PACRGL: variants seen among roughly 807,000 people sequenced by gnomAD.
PACRGL encodes the protein parkin coregulated like, also known as PACRG-like protein.
Under a neutral mutation model 34.5 loss-of-function variants are expected in PACRGL, and 38 were observed. That is an observed-to-expected ratio of 1.10 (90% CI 0.85 to 1.44). The LOEUF (loss-of-function observed/expected upper bound fraction) is 1.44, where lower values mean the gene tolerates loss of function less well. PACRGL is among the 40% of genes most tolerant of loss of function. The pLI is 0.00. For synonymous variants in PACRGL, 128 were observed against 100.1 expected, an observed-to-expected ratio of 1.28 and a Z score of -1.66; for missense variants, 305 against 281.4, an observed-to-expected ratio of 1.08 and a Z score of -0.60.
chr4:20,711,789 T>C (rs2149094051), intron 5 of PACRGL, among the ~76,000 whole-genome samples: 1 of 152,260 alleles, frequency 6.6e-6, no homozygotes, highest in South Asian at 2.1e-4. Context: ...GCATTTAGGG[T>C]GAAAGGCATA....
rs1048387370 is a variant in PACRGL at position 20,724,718 on chromosome 4, C to T, written c.610-90C>T. The T allele has an allele frequency of 1.2e-5, 7 of 591,826 alleles. No individual in the cohort carries two copies. In the African/African-American group the frequency reaches 1.4e-4, roughly 11 times the overall value. The allele number at this position is 591,826 out of a possible 1,614,324, so 36.7% of individuals were successfully genotyped here. A position where few individuals can be genotyped will look rare whatever the true frequency, so the allele number is the denominator to read the frequency against. On this transcript the variant is annotated intron_variant, in intron 7 of 8. Transcript: ENST00000503585. ...CTAAAAAAAGCCTTGAAATCTAAAACAAGGGGTGCTCCTGAAGATTTACTT... is the reference window on the plus strand; with the variant it reads ...CTAAAAAAAGCCTTGAAATCTAAAATAAGGGGTGCTCCTGAAGATTTACTT...
intron 3 of PACRGL, among the ~76,000 whole-genome samples, chr4:20,705,500 T>A (rs2149052714): frequency 6.6e-6 from 1 of 152,056 alleles, no homozygotes; most frequent in African/African-American, 2.4e-5. Context: ...ACAGAAGGAG[T>A]GTCCGACTGG....
At chr4:20,724,572 T>C (rs978392378) in intron 7 of PACRGL, among the ~76,000 whole-genome samples, 2 of 152,180 alleles carry the variant, frequency 1.3e-5, no homozygotes, top group Non-Finnish European at 2.9e-5. Context: ...GAAACCTTAC[T>C]TCAGATAGCA....
At position 20,727,503 on chromosome 4, in the gene PACRGL, G is replaced by T. The variant is rs1234807434; in HGVS notation, c.*162G>T. On this transcript the variant is annotated 3_prime_UTR_variant, in exon 9 of 9. Coordinates refer to ENST00000503585, the MANE Select transcript of PACRGL (RefSeq NM_001258345.3). ...ATCAAAGTTATTCATCAACAAAAAA[G>T]AACAGTTACTAATGGAAAGTTATTA... is the stretch of plus-strand genomic sequence containing the variant. The T allele has an allele frequency of 5.5e-6, 3 of 549,350 alleles. No homozygotes were observed. Among genetic ancestry groups the T allele is most frequent in the Non-Finnish European group, 9.7e-6 (3 of 310,780 alleles). The allele number at this position is 549,350 out of a possible 1,614,324, so 34.0% of individuals were successfully genotyped here. A position where few individuals can be genotyped will look rare whatever the true frequency, so the allele number is the denominator to read the frequency against.
chr4:20,711,787 G>A (rs540761505), intron 5 of PACRGL, among the ~76,000 whole-genome samples: 63 of 151,982 alleles, frequency 4.1e-4, no homozygotes, highest in African/African-American at 1.4e-3. Context: ...ATGCATTTAG[G>A]GTGAAAGGCA....
At chr4:20,739,298 A>AC (rs1750479293) in intron 8 of PACRGL, among the ~76,000 whole-genome samples, 1 of 152,072 alleles carries the variant, frequency 6.6e-6, no homozygotes, top group Non-Finnish European at 1.5e-5. Flanking sequence ...TGGGTCCCTG[A>AC]CCCCCGAGTA....
At position 20,727,439 on chromosome 4, in the gene PACRGL, CCATT is replaced by C. The variant is rs1746243451; in HGVS notation, c.*103_*106del. 1.0e-6 allele frequency: 1 copy of C among 1,003,862 alleles called. No homozygotes were observed. The highest frequency in any genetic ancestry group is 2.4e-5 in the East Asian group (1 of 40,988). The allele number at this position is 1,003,862 out of a possible 1,614,324, so 62.2% of individuals were successfully genotyped here. A position where few individuals can be genotyped will look rare whatever the true frequency, so the allele number is the denominator to read the frequency against. ...TTTATTCTTTTGTAAATCACAGCCACCATTCATTATTTACTAGGTTAAGATGAAT... is the reference window on the plus strand; with the variant it reads ...TTTATTCTTTTGTAAATCACAGCCACCATTATTTACTAGGTTAAGATGAAT... On this transcript the variant is annotated 3_prime_UTR_variant, in exon 9 of 9. Coordinates refer to ENST00000503585, the MANE Select transcript of PACRGL (RefSeq NM_001258345.3).
Position 20,731,608 on chromosome 4 carries a change from T to C in PACRGL, c.*4267T>C. 2.0e-6 allele frequency: 2 copies of C among 985,184 alleles called. No homozygotes were observed. The highest frequency in any genetic ancestry group is 1.2e-6 in the Non-Finnish European group (1 of 829,738). 61.0% of individuals were successfully genotyped at this position (985,184 alleles called of 1,614,324 possible). A position where few individuals can be genotyped will look rare whatever the true frequency, so the allele number is the denominator to read the frequency against. ...AGAAATCAGATAGAAGCTTGGCCTGTTGTGATGCCATACTTGGCTATCTAG... is the reference window on the plus strand; with the variant it reads ...AGAAATCAGATAGAAGCTTGGCCTGCTGTGATGCCATACTTGGCTATCTAG... On this transcript the variant is annotated 3_prime_UTR_variant, in exon 9 of 9. Coordinates refer to ENST00000503585, the MANE Select transcript of PACRGL (RefSeq NM_001258345.3).
downstream of PACRGL, chr4:20,732,635 T>G (rs755003603): frequency 7.8e-7 from 1 of 1,276,816 alleles, no homozygotes; most frequent in Non-Finnish European, 1.1e-6. Flanking sequence ...CATCAGGAAA[T>G]TTTCTCCTAA....
At chr4:20,757,330 C>G (rs1400334108), downstream of PACRGL, among the ~76,000 whole-genome samples, 1 of 152,174 alleles carries the variant, frequency 6.6e-6, no homozygotes, top group Non-Finnish European at 1.5e-5. Context: ...TAATTAGTCT[C>G]CCTGCCTGCA....
At chr4:20,712,681 C>T in intron 5 of PACRGL, 107 bp from the exon 6 acceptor site, 3 of 1,008,476 alleles carry the variant, frequency 3.0e-6, no homozygotes, top group East Asian at 2.9e-5. Context: ...ATTAGGAAAA[C>T]AATAATGAAA....
intron 8 of PACRGL, chr4:20,749,847 T>G (rs1753266838): frequency 4.9e-6 from 3 of 608,214 alleles, no homozygotes; most frequent in Non-Finnish European, 8.5e-6. Flanking sequence ...CTCCTTTAGT[T>G]TGTGCTTTCT....
At chr4:20,758,928 T>G in the PACRGL span, 2 of 1,552,358 alleles carry the variant, frequency 1.3e-6, no homozygotes, top group Non-Finnish European at 1.8e-6. Flanking sequence ...GAGCAAAGTG[T>G]TCATAAAACT....
the PACRGL span, chr4:20,758,924 A>G: frequency 6.3e-7 from 1 of 1,575,788 alleles, no homozygotes; most frequent in Non-Finnish European, 8.7e-7. Context: ...ATATGAGCAA[A>G]GTGTTCATAA....
downstream of PACRGL, chr4:20,734,552 T>C (rs543378901): frequency 2.8e-6 from 2 of 707,958 alleles, no homozygotes; most frequent in African/African-American, 3.7e-5. Context: ...TTCAAATTAA[T>C]AATTGCAATT....
downstream of PACRGL, chr4:20,734,528 C>T (rs1749118060): frequency 8.7e-6 from 5 of 576,580 alleles, no homozygotes; most frequent in East Asian, 1.3e-4. Flanking sequence ...TTTGGAATTT[C>T]CTCAAAAAAA....
rs766367666 is a variant in PACRGL, at chr4:20,724,820, T to C, written c.622T>C (p.Leu208=). The C allele has an allele frequency of 1.3e-6, 2 of 1,491,042 alleles. No individual in the cohort carries two copies. Among genetic ancestry groups the C allele is most frequent in the Non-Finnish European group, 1.8e-6 (2 of 1,128,924 alleles). 92.4% of individuals were successfully genotyped at this position (1,491,042 alleles called of 1,614,324 possible). The change falls in exon 8 of 9, where the codon TTA becomes CTA. Residue 208 remains leucine (L), a synonymous_variant. Transcript: ENST00000503585. The stretch of plus-strand genomic sequence containing the variant: ...CTTACTTTAAAAGCTTTCCAAGAGA[T>C]TAATGGACAAGAAATTCAAAGAGCC... The part of the protein sequence containing the change: ...KHLLTSLSKR[L]MDKKFKEPIT...
chr4:20,738,063 G>C (rs564479782), intron 8 of PACRGL, among the ~76,000 whole-genome samples: 2 of 151,624 alleles, frequency 1.3e-5, no homozygotes, highest in African/African-American at 4.9e-5. Context: ...CCAGAAGGTC[G>C]AGGCTACAGT....
Position 20,731,657 on chromosome 4 carries a change from G to C in PACRGL, c.*4316G>C. ...AGGAATTCTAATGCTGTGGAGATAT[G>C]ATAGATAATATATGAGTGATGCTAA... On this transcript the variant is annotated 3_prime_UTR_variant, in exon 9 of 9. Coordinates refer to ENST00000503585, the MANE Select transcript of PACRGL (RefSeq NM_001258345.3). The C allele has an allele frequency of 1.0e-6, 1 of 985,154 alleles. No homozygotes were observed. Among genetic ancestry groups the C allele is most frequent in the South Asian group, 4.7e-5 (1 of 21,280 alleles). The allele number at this position is 985,154 out of a possible 1,614,324, so 61.0% of individuals were successfully genotyped here. A position where few individuals can be genotyped will look rare whatever the true frequency, so the allele number is the denominator to read the frequency against.
Sources: allele counts gnomAD v4.1 joint callset (sites outside exome capture counted in the v4.1 genomes callset), GRCh38; gene constraint gnomAD v4.1.1; transcripts MANE v1.5; gene names NCBI Gene and HGNC (gene_info 2026-07-23, HGNC 2026-07-21).